The following KCNH6 variants were observed in gnomAD, a reference collection of about 807,000 sequenced individuals.
KCNH6 encodes potassium voltage-gated channel subfamily H member 6.
KCNH6 carries 81 observed loss-of-function variants against 83.4 expected under a neutral mutation model. The observed-to-expected ratio is 0.97, with a 90% CI of 0.81 to 1.17. The LOEUF (loss-of-function observed/expected upper bound fraction) is 1.17. Ranked by LOEUF, KCNH6 falls within the 50% of genes most tolerant of loss-of-function variation. KCNH6 has a pLI of 0.00. For missense variants in KCNH6, 1,203 were observed against 1,290.5 expected, an observed-to-expected ratio of 0.93 and a Z score of 1.04; for synonymous variants, 503 against 545.6, an observed-to-expected ratio of 0.92 and a Z score of 1.09.
chr17:63,547,981 A>G (rs921898527), downstream of KCNH6, among the ~76,000 whole-genome samples: 1 of 142,708 alleles, frequency 7.0e-6, no homozygotes, highest in African/African-American at 2.7e-5. Flanking sequence ...AAAAAAAAAA[A>G]GTGGCTGGGC....
downstream of KCNH6, among the ~76,000 whole-genome samples, chr17:63,547,185 C>T (rs185253736): frequency 3.3e-5 from 5 of 151,966 alleles, no homozygotes; most frequent in African/African-American, 4.8e-5. Context: ...GTTCAGGTTG[C>T]GAAAGAGTGT....
At chr17:63,547,622 T>C (rs895752752), downstream of KCNH6, among the ~76,000 whole-genome samples, 3 of 152,158 alleles carry the variant, frequency 2.0e-5, no homozygotes, top group African/African-American at 4.8e-5. Flanking sequence ...AAGCCTAATA[T>C]TGATCACCCT....
At chr17:63,541,900 C>G (rs2032882952) in intron 8 of KCNH6, among the ~76,000 whole-genome samples, 1 of 152,202 alleles carries the variant, frequency 6.6e-6, no homozygotes, top group East Asian at 1.9e-4. Context: ...GACGTTGAGA[C>G]AGATGTTGAG....
rs2032258075 is a variant in KCNH6, at chr17:63,533,523, C to A, written c.676-363C>A. On this transcript the variant is annotated intron_variant, in intron 4 of 12. Coordinates refer to ENST00000314672, the MANE Select transcript of KCNH6 (RefSeq NM_001278919.2). The surrounding 1 kb of genome is among the most constrained non-coding windows in gnomAD (Gnocchi z 4.1). ...GCCCATCAGCTACCCCTTCTGTGGG[C>A]TCTTGTGTGGAATGGGTCTATAGAT... Among the ~76,000 whole-genome samples the A allele has an allele frequency of 6.6e-6, 1 of 152,082 alleles. No individual in the cohort carries two copies. The highest frequency in any genetic ancestry group is 2.4e-5 in the African/African-American group (1 of 41,386).
chr17:63,543,654 CAG>C lies in KCNH6; in HGVS notation c.2228_2229del (p.Gln743LeufsTer18), dbSNP rs1421638775. On this transcript the variant is annotated frameshift_variant, in exon 10 of 13. Coordinates refer to ENST00000314672, the MANE Select transcript of KCNH6 (RefSeq NM_001278919.2). LOFTEE classifies it high-confidence loss of function. ...CCAAGGTTTCTTTCTCAGTGACAAC[CAG>C]TCAGGTGAGCAAAGCCAGCCCCCAC... The part of the protein sequence containing the change: ...DHQGFFLSDN[Q>X]SDAAPPLSIS... 1 of 1,609,846 alleles carries C rather than the reference CAG, an allele frequency of 6.2e-7. No individual in the cohort carries two copies.
Position 63,524,432 on chromosome 17 carries a change from G to T in KCNH6, c.307+63G>T. ...CTTGGCCCTCTGTCTTGTCCAGCCA[G>T]GGTGGCCTTGGGGAAGGCACTGACC... On this transcript the variant is annotated intron_variant, in intron 2 of 12. Coordinates refer to ENST00000314672, the MANE Select transcript of KCNH6 (RefSeq NM_001278919.2). 6 of 1,447,538 alleles carry T rather than the reference G, an allele frequency of 4.1e-6. No homozygotes were observed. The South Asian group carries it at 5.9e-5, about 14-fold the overall frequency. The allele number at this position is 1,447,538 out of a possible 1,614,324, so 89.7% of individuals were successfully genotyped here.
intron 2 of KCNH6, among the ~76,000 whole-genome samples, chr17:63,526,651 C>T (rs2031736480): frequency 6.6e-6 from 1 of 152,100 alleles, no homozygotes; most frequent in South Asian, 2.1e-4. Context: ...TTTCTTTCCT[C>T]CTCGGGTCAG....
chr17:63,528,785 G>A (rs140318028), intron 2 of KCNH6, among the ~76,000 whole-genome samples: 1 of 152,294 alleles, frequency 6.6e-6, no homozygotes, highest in Non-Finnish European at 1.5e-5. Flanking sequence ...CCATGGAGAG[G>A]GTGCTCGTGG....
In KCNH6 at chr17:63,530,326, C is replaced by T; in HGVS notation, c.470-11C>T. ...GGCCGTGGCTGCTCTGACTCCTGGC[C>T]CTGGTTTCAGAGGGCTCTCATGGCA... On this transcript the variant is annotated splice_polypyrimidine_tract_variant and intron_variant, in intron 3 of 12. Coordinates refer to ENST00000314672, the MANE Select transcript of KCNH6 (RefSeq NM_001278919.2). The T allele has an allele frequency of 1.2e-6, 2 of 1,614,146 alleles. No homozygotes were observed. The highest frequency in any genetic ancestry group is 8.5e-7 in the Non-Finnish European group (1 of 1,180,022).
At position 63,524,294 on chromosome 17, in the gene KCNH6, G is replaced by T; in HGVS notation, c.232G>T (p.Ala78Ser). ...FLTGPNTPSS[A>S]VSRLAQALLG... ...CACAGGCCCCAACACACCAAGCAGC[G>T]CCGTGTCCCGCCTAGCGCAGGCCCT... Residue 78 changes from alanine (A) to serine (S), a missense_variant, in exon 2 of 13, where the codon GCC becomes TCC. Ala to Ser is a moderately conservative substitution (Grantham distance 99, BLOSUM62 1). Coordinates refer to ENST00000314672, the MANE Select transcript of KCNH6 (RefSeq NM_001278919.2). 6.2e-7 allele frequency: 1 copy of T among 1,613,976 alleles called. No homozygotes were observed. Among genetic ancestry groups the T allele is most frequent in the Non-Finnish European group, 8.5e-7 (1 of 1,180,034 alleles).
chr17:63,538,789 A>ATGCTGT lies in KCNH6; in HGVS notation c.1954+127_1954+128insTGCTGT. 2 of 992,456 alleles carry ATGCTGT rather than the reference A, an allele frequency of 2.0e-6. No individual in the cohort carries two copies. Among genetic ancestry groups the ATGCTGT allele is most frequent in the Non-Finnish European group, 2.9e-6 (2 of 684,464 alleles). The allele number at this position is 992,456 out of a possible 1,614,324, so 61.5% of individuals were successfully genotyped here. On this transcript the variant is annotated intron_variant, in intron 8 of 12. Transcript: ENST00000314672. This position sits in a 1 kb window ranked among gnomAD's most constrained non-coding sequence, Gnocchi z 4.0. ...TACTTTTACTGGCAGCCACTTGCAC[A>ATGCTGT]GCATGTGCCCGGGAGAGCTTTAGAC...
chr17:63,528,165 T>A (rs2031840339), intron 2 of KCNH6, among the ~76,000 whole-genome samples: 1 of 152,136 alleles, frequency 6.6e-6, no homozygotes, highest in Non-Finnish European at 1.5e-5. Context: ...AATCTGGCCT[T>A]AGGAGCAGTG....
At chr17:63,544,758 G>A (rs2033061042) in intron 11 of KCNH6, among the ~76,000 whole-genome samples, 1 of 152,142 alleles carries the variant, frequency 6.6e-6, no homozygotes, top group African/African-American at 2.4e-5. Context: ...CTACCAGCAA[G>A]AGTGTGGGCA....
chr17:63,531,490 G>C (rs1474195741), intron 4 of KCNH6, among the ~76,000 whole-genome samples: 1 of 152,254 alleles, frequency 6.6e-6, no homozygotes, highest in Non-Finnish European at 1.5e-5. Flanking sequence ...AGCTTTCCTG[G>C]GGCTGTCCCT....
At chr17:63,526,370 C>T (rs948065046) in intron 2 of KCNH6, among the ~76,000 whole-genome samples, 4 of 151,094 alleles carry the variant, frequency 2.6e-5, no homozygotes, top group Non-Finnish European at 4.4e-5. Context: ...CCTTAAGGTC[C>T]ACTCTGACCT....
At chr17:63,543,750 C>T (rs939820299) in intron 10 of KCNH6, 90 bp downstream of exon 10, 4 of 808,592 alleles carry the variant, frequency 4.9e-6, no homozygotes, top group African/African-American at 1.7e-5. Context: ...GCCTCCCCAG[C>T]GCCACCCCAC....
chr17:63,545,658 C>G lies in KCNH6; in HGVS notation c.2633C>G (p.Ser878Cys). Residue 878 changes from serine to cysteine, a missense_variant, in exon 13 of 13, where the codon TCC (serine) becomes TGC (cysteine). Physicochemically the swap from Ser to Cys is moderately radical, Grantham distance 112. Coordinates refer to ENST00000314672, the MANE Select transcript of KCNH6 (RefSeq NM_001278919.2). The stretch of plus-strand genomic sequence containing the variant: ...GACTGTAGTCCAAAGCACAGGAACT[C>G]CTCCCCCAGGATGCCTCACCTGGCT... ...LDDCSPKHRNSSPRMPHLAVA... is the reference protein window; with the variant it reads ...LDDCSPKHRNCSPRMPHLAVA... 1.2e-6 allele frequency: 2 copies of G among 1,614,012 alleles called. No homozygotes were observed. Among genetic ancestry groups the G allele is most frequent in the Non-Finnish European group, 1.7e-6 (2 of 1,180,008 alleles).
rs1455330267 is a variant in KCNH6 at position 63,538,535 on chromosome 17, G to A, written c.1827G>A (p.Lys609=). 1.2e-6 allele frequency: 2 copies of A among 1,609,854 alleles called. No homozygotes were observed. Among genetic ancestry groups the A allele is most frequent in the Non-Finnish European group, 1.7e-6 (2 of 1,178,456 alleles). The change falls in exon 8 of 13, where the codon AAG becomes AAA. Residue 609 remains lysine (K), a synonymous_variant. Coordinates refer to ENST00000314672, the MANE Select transcript of KCNH6 (RefSeq NM_001278919.2). This position sits in a 1 kb window ranked among gnomAD's most constrained non-coding sequence, Gnocchi z 4.0. Reference sequence around the variant, plus strand: ...GCTGCCTGCGCGCGCTAGCCGTCAAGTTCAAGACCACCCACGCGCCGCCTG... The same window carrying A: ...GCTGCCTGCGCGCGCTAGCCGTCAAATTCAAGACCACCCACGCGCCGCCTG... ...GKGCLRALAV[K]FKTTHAPPGD...
In KCNH6 at chr17:63,524,253, G is replaced by C; in HGVS notation, c.191G>C (p.Cys64Ser). ...CGAGTGGAGGTGATGCAGCAACCCT[G>C]CACCTGCGACTTCCTCACAGGCCCC... ...YSRVEVMQQP[C>S]TCDFLTGPNT... Residue 64 changes from cysteine (C) to serine (S), a missense_variant, in exon 2 of 13, where the codon TGC becomes TCC. Cys to Ser is a moderately radical substitution (Grantham distance 112). Coordinates refer to ENST00000314672, the MANE Select transcript of KCNH6 (RefSeq NM_001278919.2). 5.0e-6 allele frequency: 8 copies of C among 1,614,064 alleles called. No individual in the cohort carries two copies. The highest frequency in any genetic ancestry group is 6.8e-6 in the Non-Finnish European group (8 of 1,180,030).
Sources: allele counts gnomAD v4.1 joint callset (sites outside exome capture counted in the v4.1 genomes callset), GRCh38; gene constraint gnomAD v4.1.1; non-coding constraint Gnocchi (gnomAD v3.1); transcripts MANE v1.5; gene names NCBI Gene and HGNC (gene_info 2026-07-23, HGNC 2026-07-21).